The following ARHGAP15 variants were observed in gnomAD, a reference collection of about 807,000 sequenced individuals.
ARHGAP15 encodes Rho GTPase activating protein 15.
Under a neutral mutation model 63.7 loss-of-function variants are expected in ARHGAP15, and 51 were observed. The observed-to-expected ratio is 0.80, with a 90% confidence interval of 0.64 to 1.01. The LOEUF (loss-of-function observed/expected upper bound fraction) is 1.01. Ranked by LOEUF, ARHGAP15 falls within the 50% of genes least tolerant of loss-of-function variation. The probability of loss-of-function intolerance (pLI) is 0.00; values close to 1 mark genes in which losing one functional copy is unlikely to be tolerated. For missense variants in ARHGAP15, 560 were observed against 564.6 expected, an observed-to-expected ratio of 0.99 and a Z score of 0.08; for synonymous variants, 191 against 193.8, an observed-to-expected ratio of 0.99 and a Z score of 0.12.
intron 12 of ARHGAP15, among the ~76,000 whole-genome samples, chr2:143,657,002 A>G (rs1681479659): frequency 1.4e-5 from 2 of 144,838 alleles, no homozygotes; most frequent in Admixed American, 1.4e-4. Flanking sequence ...ATCCATTAGT[A>G]AAATCACTAA....
chr2:143,628,073 T>C (rs1553514750), intron 12 of ARHGAP15, among the ~76,000 whole-genome samples: 1 of 151,988 alleles, frequency 6.6e-6, no homozygotes, highest in South Asian at 2.1e-4. Flanking sequence ...AGAAAGAACA[T>C]GGGGTATTTG....
intron 6 of ARHGAP15, among the ~76,000 whole-genome samples, chr2:143,375,876 G>A (rs1050116561): frequency 6.6e-6 from 1 of 152,156 alleles, no homozygotes; most frequent in African/African-American, 2.4e-5. Flanking sequence ...ACTTTTTTCG[G>A]TGATGGTTGT....
At chr2:143,579,573 C>T (rs1359599560) in intron 11 of ARHGAP15, among the ~76,000 whole-genome samples, 1 of 152,062 alleles carries the variant, frequency 6.6e-6, no homozygotes, top group Admixed American at 6.6e-5. Context: ...GGTGTGCCCA[C>T]GACCGTGAGG....
At chr2:143,758,445 T>C (rs751463192) in intron 13 of ARHGAP15, among the ~76,000 whole-genome samples, 22 of 152,090 alleles carry the variant, frequency 1.4e-4, no homozygotes, top group East Asian at 3.9e-4. Context: ...ACTTTTTTTT[T>C]CCCAAAAGAC....
intron 11 of ARHGAP15, among the ~76,000 whole-genome samples, chr2:143,618,833 C>CTTT (rs70982875): frequency 3.4e-3 from 510 of 148,788 alleles, no homozygotes; most frequent in African/African-American, 0.012. Flanking sequence ...GGGTAAACTC[C>CTTT]TTTTTTTTTT....
chr2:143,641,630 T>TA (rs1680604399), intron 12 of ARHGAP15, among the ~76,000 whole-genome samples: 1 of 152,106 alleles, frequency 6.6e-6, no homozygotes, highest in Non-Finnish European at 1.5e-5. Context: ...AAAGATGCAA[T>TA]TTTCACACAG....
At chr2:143,330,125 A>C (rs1186287761) in intron 6 of ARHGAP15, among the ~76,000 whole-genome samples, 4 of 90,296 alleles carry the variant, frequency 4.4e-5, no homozygotes, top group Non-Finnish European at 9.0e-5. Context: ...AAAAAAAAAA[A>C]AAAAAACCAA....
chr2:143,583,115 A>G (rs1574662959), intron 11 of ARHGAP15, among the ~76,000 whole-genome samples: 1 of 152,154 alleles, frequency 6.6e-6, no homozygotes, highest in Admixed American at 6.6e-5. Flanking sequence ...AAAGGGGCAT[A>G]TAAGTGCCAT....
At chr2:143,350,662 TAAAAAAA>T (rs34082157) in intron 6 of ARHGAP15, among the ~76,000 whole-genome samples, 1 of 126,546 alleles carries the variant, frequency 7.9e-6, no homozygotes, top group African/African-American at 3.0e-5. Context: ...TATTAAAAAT[TAAAAAAA>T]AAAAAAAAAG....
rs768621513 is a variant in ARHGAP15 at position 143,153,825 on chromosome 2, T to C, written c.-14-1652T>C. 3.5e-3 allele frequency among the ~76,000 whole-genome samples: 282 copies of C among 80,036 alleles called. 1 individual carries two copies. Among genetic ancestry groups the C allele is most frequent in the Middle Eastern group, 5.8e-3 (1 of 172 alleles). 52.5% of individuals were successfully genotyped at this position (80,036 alleles called of 152,430 possible). A position where few individuals can be genotyped will look rare whatever the true frequency, so the allele number is the denominator to read the frequency against. On this transcript the variant is annotated intron_variant, in intron 1 of 13. Transcript: ENST00000295095. ...CTTCTTCTTCTTCTTCTTCTTCTTCTTCTTCTTCTTCTTCTTCTTCCTCCT... is the reference window on the plus strand; with the variant it reads ...CTTCTTCTTCTTCTTCTTCTTCTTCCTCTTCTTCTTCTTCTTCTTCCTCCT...
chr2:143,296,107 C>G (rs983136600), intron 6 of ARHGAP15, among the ~76,000 whole-genome samples: 1 of 152,026 alleles, frequency 6.6e-6, no homozygotes, highest in African/African-American at 2.4e-5. Flanking sequence ...TCCCTGCTCT[C>G]TCATGCAGAG....
intron 10 of ARHGAP15, among the ~76,000 whole-genome samples, chr2:143,543,206 G>T (rs1185630521): frequency 6.6e-6 from 1 of 151,824 alleles, no homozygotes; most frequent in Admixed American, 6.6e-5. Context: ...GCCAACACTT[G>T]TTATCTTTTG....
intron 6 of ARHGAP15, among the ~76,000 whole-genome samples, chr2:143,346,809 T>G (rs1037303141): frequency 2.0e-5 from 3 of 152,082 alleles, no homozygotes; most frequent in Admixed American, 6.6e-5. Flanking sequence ...TTAAGAAAAC[T>G]GACTGAAAGA....
intron 13 of ARHGAP15, among the ~76,000 whole-genome samples, chr2:143,736,094 A>G (rs1007983305): frequency 3.9e-5 from 6 of 152,080 alleles, no homozygotes; most frequent in South Asian, 2.1e-4. Context: ...CTTAACCTAT[A>G]TGTGTCAGGC....
chr2:143,181,289 C>G (rs959906924), intron 2 of ARHGAP15, among the ~76,000 whole-genome samples: 1 of 152,040 alleles, frequency 6.6e-6, no homozygotes, highest in African/African-American at 2.4e-5. Context: ...TTTAAGGGCC[C>G]TAATATTTTT....
intron 6 of ARHGAP15, among the ~76,000 whole-genome samples, chr2:143,348,042 C>T (rs937749871): frequency 6.6e-6 from 1 of 152,068 alleles, no homozygotes; most frequent in Non-Finnish European, 1.5e-5. Flanking sequence ...ACTAGAATGT[C>T]CTAAACATAC....
rs546950688 is a variant in ARHGAP15, at chr2:143,225,166, A to G, written c.297-3415A>G. On this transcript the variant is annotated intron_variant, in intron 4 of 13. Coordinates refer to ENST00000295095, the MANE Select transcript of ARHGAP15 (RefSeq NM_018460.4). ...ATAATTTTTGGACACGGAATGGTGC[A>G]TTTTTATTCCGCACTGGGCTTTGCA... Among the ~76,000 whole-genome samples the G allele has an allele frequency of 2.6e-5, 4 of 152,256 alleles. No individual in the cohort carries two copies. In the East Asian group the frequency reaches 7.7e-4, roughly 29 times the overall value.
chr2:143,354,315 T>C (rs1386049563), intron 6 of ARHGAP15, among the ~76,000 whole-genome samples: 2 of 152,180 alleles, frequency 1.3e-5, no homozygotes, highest in Non-Finnish European at 1.5e-5. Flanking sequence ...TGCAAACAAG[T>C]GTCTCATTGA....
chr2:143,650,954 C>T (rs1038739534), intron 12 of ARHGAP15, among the ~76,000 whole-genome samples: 2 of 151,872 alleles, frequency 1.3e-5, no homozygotes, highest in Non-Finnish European at 2.9e-5. Flanking sequence ...GTTACATTCC[C>T]ATGTTGTTCT....
Sources: allele counts gnomAD v4.1 joint callset (sites outside exome capture counted in the v4.1 genomes callset), GRCh38; gene constraint gnomAD v4.1.1; transcripts MANE v1.5; gene names NCBI Gene and HGNC (gene_info 2026-07-23, HGNC 2026-07-21).